Variants in NBEAL1 observed in about 807,000 individuals in gnomAD.
The protein encoded by NBEAL1 is neurobeachin-like protein 1.
Under a neutral mutation model 351.3 loss-of-function variants are expected in NBEAL1, and 273 were observed. The observed-to-expected ratio is 0.78, with a 90% CI of 0.70 to 0.86. The LOEUF is 0.86. Ranked by LOEUF, NBEAL1 falls within the 40% of genes least tolerant of loss-of-function variation. The pLI is 0.00. For missense variants in NBEAL1, 2,961 were observed against 3,201.3 expected, an observed-to-expected ratio of 0.92 and a Z score of 1.81; for synonymous variants, 1,050 against 1,086.4, an observed-to-expected ratio of 0.97 and a Z score of 0.66.
intron 16 of NBEAL1, 145 bp from the exon 17 acceptor site, chr2:203,112,867 CATG>C: frequency 1.2e-6 from 1 of 840,442 alleles, no homozygotes; most frequent in South Asian, 2.9e-5. Flanking sequence ...GTCTACACTT[CATG>C]ATTTGGTAAA....
At position 203,211,036 on chromosome 2, in the gene NBEAL1, A is replaced by G. The variant is rs1221061942; in HGVS notation, c.7864A>G (p.Ile2622Val). 7.5e-6 allele frequency: 12 copies of G among 1,607,616 alleles called. No homozygotes were observed. Among genetic ancestry groups the G allele is most frequent in the Middle Eastern group, 1.7e-4 (1 of 6,048 alleles). ...SQILKEQVSD[I>V]CIIGEHIVTG... is the part of the protein sequence containing the mutation. ...AATCCTGAAGGAACAAGTATCAGAT[A>G]TATGTATAATCGGAGAACACATTGT... The change falls in exon 54 of 56, where the codon ATA becomes GTA. Residue 2622 changes from isoleucine to valine, a missense_variant. By Grantham distance (29) the Ile-to-Val change is conservative (BLOSUM62 3). Transcript: ENST00000683969.
chr2:203,073,298 C>T (rs2061712234), intron 7 of NBEAL1, among the ~76,000 whole-genome samples: 1 of 152,184 alleles, frequency 6.6e-6, no homozygotes, highest in Non-Finnish European at 1.5e-5. Flanking sequence ...TAATTCATGT[C>T]TTTCAAGGAA....
At chr2:203,068,872 G>A (rs1240629259) in intron 7 of NBEAL1, among the ~76,000 whole-genome samples, 1 of 152,108 alleles carries the variant, frequency 6.6e-6, no homozygotes. Flanking sequence ...TGGAATTACA[G>A]GCATGTGCCA....
chr2:203,142,159 T>A (rs1264070532), intron 31 of NBEAL1, among the ~76,000 whole-genome samples: 2 of 151,318 alleles, frequency 1.3e-5, no homozygotes, highest in African/African-American at 4.9e-5. Flanking sequence ...GGCATCAGTA[T>A]TTTTTTTTGT....
intron 10 of NBEAL1, among the ~76,000 whole-genome samples, chr2:203,092,952 G>A (rs1298431638): frequency 2.0e-5 from 3 of 152,136 alleles, no homozygotes; most frequent in East Asian, 3.9e-4. Flanking sequence ...CTGCTAATCC[G>A]CTGGATGCGG....
chr2:203,180,458 A>G lies in NBEAL1; in HGVS notation c.6541A>G (p.Lys2181Glu). 1.2e-6 allele frequency: 2 copies of G among 1,612,100 alleles called. No homozygotes were observed. The highest frequency in any genetic ancestry group is 1.7e-6 in the Non-Finnish European group (2 of 1,178,790). ...TCTTATGGATAATCCATATGATGTT[A>G]AAGAACTTATTCCTGAATTCTTCTA... ...QALMDNPYDV[K>E]ELIPEFFYFP... Residue 2181 changes from lysine (K) to glutamate (E), a missense_variant, in exon 43 of 56, where the codon AAA becomes GAA. Lys to Glu is a moderately conservative substitution (Grantham distance 56, BLOSUM62 1). Coordinates refer to ENST00000683969, the MANE Select transcript of NBEAL1 (RefSeq NM_001378026.1).
intron 25 of NBEAL1, among the ~76,000 whole-genome samples, chr2:203,131,390 A>G (rs907271095): frequency 6.6e-6 from 1 of 151,952 alleles, no homozygotes; most frequent in African/African-American, 2.4e-5. Context: ...TAATTTTTGT[A>G]TTTTTAGTAG....
At chr2:203,132,253 G>GCTACGTAA in intron 26 of NBEAL1, 121 bp downstream of exon 26, 1 of 641,344 alleles carries the variant, frequency 1.6e-6, no homozygotes, top group Non-Finnish European at 2.6e-6. Flanking sequence ...GGCCTTCCTT[G>GCTACGTAA]GATACCATAT....
chr2:203,119,628 G>C (rs1269794567), intron 18 of NBEAL1, among the ~76,000 whole-genome samples: 2 of 151,816 alleles, frequency 1.3e-5, no homozygotes, highest in Non-Finnish European at 2.9e-5. Context: ...GTTTCACCAT[G>C]ATGGTCAGGC....
At position 203,049,836 on chromosome 2, in the gene NBEAL1, A is replaced by G; in HGVS notation, c.166A>G (p.Ile56Val). Residue 56 changes from isoleucine to valine, a missense_variant, in exon 4 of 56, where the codon ATA becomes GTA. Ile to Val is a conservative substitution (Grantham distance 29). Coordinates refer to ENST00000683969, the MANE Select transcript of NBEAL1 (RefSeq NM_001378026.1). Reference protein sequence around the residue: ...PTRVDDMPPGISLLPDNILQV... With the variant: ...PTRVDDMPPGVSLLPDNILQV... ...TAGGGTAGATGATATGCCTCCAGGA[A>G]TATCTCTGCTTCCTGATAATATTCT... The G allele has an allele frequency of 6.4e-7, 1 of 1,552,988 alleles. No individual in the cohort carries two copies. Among genetic ancestry groups the G allele is most frequent in the Non-Finnish European group, 8.7e-7 (1 of 1,146,748 alleles).
intron 4 of NBEAL1, among the ~76,000 whole-genome samples, chr2:203,054,975 A>G (rs1167784412): frequency 6.6e-6 from 1 of 152,162 alleles, no homozygotes; most frequent in Non-Finnish European, 1.5e-5. Flanking sequence ...TGTCAGATGC[A>G]ATCAGCAGCT....
chr2:203,098,777 G>A (rs1486650722), intron 11 of NBEAL1, among the ~76,000 whole-genome samples: 1 of 151,878 alleles, frequency 6.6e-6, no homozygotes, highest in Non-Finnish European at 1.5e-5. Flanking sequence ...TTCTGTGTCT[G>A]CCTCAAATTT....
chr2:203,042,689 G>A (rs2061162575), intron 3 of NBEAL1, among the ~76,000 whole-genome samples: 1 of 151,562 alleles, frequency 6.6e-6, no homozygotes, highest in Non-Finnish European at 1.5e-5. Context: ...CTAGGTTCAA[G>A]CAATTCTCCT....
chr2:203,094,367 A>T (rs1221185890), intron 10 of NBEAL1, among the ~76,000 whole-genome samples: 1 of 152,224 alleles, frequency 6.6e-6, no homozygotes, highest in African/African-American at 2.4e-5. Context: ...GATGCCACAG[A>T]TGTCCACGAT....
At position 203,211,017 on chromosome 2, in the gene NBEAL1, G is replaced by GAAGGAACAAGGAAC. The variant is rs758226538; in HGVS notation, c.7855_7856insGAACAAGGAACAAG (p.Val2619GlyfsTer11). On this transcript the variant is annotated frameshift_variant, in exon 54 of 56. Coordinates refer to ENST00000683969, the MANE Select transcript of NBEAL1 (RefSeq NM_001378026.1). LOFTEE classifies it high-confidence loss of function. ...GCAAGTATCTAGGGTCTCAAATCCT[G>GAAGGAACAAGGAAC]AAGGAACAAGTATCAGATATATGTA... 6.2e-7 allele frequency: 1 copy of GAAGGAACAAGGAAC among 1,606,604 alleles called. No homozygotes were observed. Among genetic ancestry groups the GAAGGAACAAGGAAC allele is most frequent in the Non-Finnish European group, 8.5e-7 (1 of 1,175,058 alleles).
intron 23 of NBEAL1, 73 bp downstream of exon 23, chr2:203,126,999 G>A: frequency 1.9e-6 from 2 of 1,035,318 alleles, no homozygotes; most frequent in South Asian, 3.1e-5. Context: ...TGTGTAGACT[G>A]TAGACTTTCT....
At chr2:203,050,054 G>A in intron 4 of NBEAL1, 79 bp downstream of exon 4, 1 of 1,325,310 alleles carries the variant, frequency 7.5e-7, no homozygotes, top group Non-Finnish European at 1.0e-6. Flanking sequence ...ATGAGGAGGG[G>A]AACATCACAC....
At chr2:203,166,334 A>G (rs755617988) in intron 37 of NBEAL1, 37 bp downstream of exon 37, 10 of 1,549,992 alleles carry the variant, frequency 6.5e-6, no homozygotes, top group South Asian at 4.8e-5. Flanking sequence ...TTGCTGTTCA[A>G]TAATTAAGTA....
chr2:203,169,918 C>G lies in NBEAL1; in HGVS notation c.6102+67C>G, dbSNP rs1466121043. 14 of 982,214 alleles carry G rather than the reference C, an allele frequency of 1.4e-5. No homozygotes were observed. The East Asian group carries it at 3.6e-4, about 25-fold the overall frequency. 60.8% of individuals were successfully genotyped at this position (982,214 alleles called of 1,614,324 possible). A position where few individuals can be genotyped will look rare whatever the true frequency, so the allele number is the denominator to read the frequency against. ...CATTTTAAGTAAAACTTGACTTCTT[C>G]TGATTTTCCTTTGATTTTTACAACT... On this transcript the variant is annotated intron_variant, in intron 39 of 55. Coordinates refer to ENST00000683969, the MANE Select transcript of NBEAL1 (RefSeq NM_001378026.1).
Sources: allele counts gnomAD v4.1 joint callset (sites outside exome capture counted in the v4.1 genomes callset), GRCh38; gene constraint gnomAD v4.1.1; transcripts MANE v1.5; gene names NCBI Gene and HGNC (gene_info 2026-07-23, HGNC 2026-07-21).